ABCC5: variants seen among roughly 807,000 people sequenced by gnomAD.
ABCC5 encodes the protein ATP binding cassette subfamily C member 5.
In ABCC5, 61 loss-of-function variants were observed where a neutral mutation model predicts 160.9. That is an observed-to-expected ratio of 0.38 (90% confidence interval 0.31 to 0.47). The LOEUF (loss-of-function observed/expected upper bound fraction) is 0.47, where lower values mean the gene tolerates loss of function less well. Among genes scored for constraint, ABCC5 ranks in the 20% least tolerant of loss-of-function variants. The pLI is 0.99. For synonymous variants in ABCC5, 666 were observed against 700.6 expected (o/e 0.95, Z 0.78); for missense variants, 1,308 against 1,813.3 (o/e 0.72, Z 5.06).
In ABCC5 at chr3:183,989,483, C is replaced by G. The variant is rs1719543263; in HGVS notation, c.130-100G>C. ...AGCTCAAACTGCAAACTGGACTCATCTTAACTGAGAAATTCCAAGCAAGGG... is the reference window on the plus strand; with the variant it reads ...AGCTCAAACTGCAAACTGGACTCATGTTAACTGAGAAATTCCAAGCAAGGG... On this transcript the variant is annotated intron_variant, in intron 2 of 29. Transcript: ENST00000334444. 2.8e-5 allele frequency: 36 copies of G among 1,268,694 alleles called. No individual in the cohort carries two copies. The South Asian group carries it at 5.2e-4, about 18-fold the overall frequency. 78.6% of individuals were successfully genotyped at this position (1,268,694 alleles called of 1,614,324 possible).
rs1716746925 is a variant in ABCC5 at position 183,961,644 on chromosome 3, T to C, written c.2246A>G (p.Asp749Gly). ...FVTHQLQYLV[D>G]CDEVIFMKEG... ...TTTCATGAAGATCACTTCATCACAGTCAACCAGGTACTGAAGGCAAAGGCA... is the reference window on the plus strand; with the variant it reads ...TTTCATGAAGATCACTTCATCACAGCCAACCAGGTACTGAAGGCAAAGGCA... Residue 749 changes from aspartate to glycine, a missense_variant, in exon 16 of 30, where the codon GAC (aspartate) becomes GGC (glycine). Transcript: ENST00000334444. The C allele has an allele frequency of 6.2e-7, 1 of 1,614,054 alleles. No individual in the cohort carries two copies. The highest frequency in any genetic ancestry group is 2.2e-5 in the East Asian group (1 of 44,900).
At chr3:183,972,528 C>A (rs1717852679) in intron 10 of ABCC5, among the ~76,000 whole-genome samples, 1 of 152,162 alleles carries the variant, frequency 6.6e-6, no homozygotes, top group Non-Finnish European at 1.5e-5. Context: ...GTTCAAACAA[C>A]CAAAGGAACA....
At chr3:183,990,861 C>T (rs1384914989) in intron 2 of ABCC5, among the ~76,000 whole-genome samples, 1 of 152,214 alleles carries the variant, frequency 6.6e-6, no homozygotes, top group Non-Finnish European at 1.5e-5. Flanking sequence ...ACTTATCCCC[C>T]GTTTACTCTA....
At position 183,951,684 on chromosome 3, in the gene ABCC5, G is replaced by A. The variant is rs1715365280; in HGVS notation, c.2815-114C>T. ...AAAGCGGGGAGGTGTGAGGGGTCAGGAGGGACAGGTGGCAAGTGAGAAAAG... is the reference window on the plus strand; with the variant it reads ...AAAGCGGGGAGGTGTGAGGGGTCAGAAGGGACAGGTGGCAAGTGAGAAAAG... On this transcript the variant is annotated intron_variant, in intron 19 of 29. Coordinates refer to ENST00000334444, the MANE Select transcript of ABCC5 (RefSeq NM_005688.4). The surrounding 1 kb of genome is among the most constrained non-coding windows in gnomAD (Gnocchi z 4.7). The A allele has an allele frequency of 2.7e-6, 4 of 1,501,354 alleles. No individual in the cohort carries two copies. Among genetic ancestry groups the A allele is most frequent in the East Asian group, 2.3e-5 (1 of 44,002 alleles). The allele number at this position is 1,501,354 out of a possible 1,614,324, so 93.0% of individuals were successfully genotyped here. A position where few individuals can be genotyped will look rare whatever the true frequency, so the allele number is the denominator to read the frequency against.
At position 183,989,346 on chromosome 3, in the gene ABCC5, G is replaced by A. The variant is rs759630947; in HGVS notation, c.167C>T (p.Ala56Val). The A allele has an allele frequency of 9.3e-6, 15 of 1,613,840 alleles. No individual in the cohort carries two copies. The Admixed American group carries it at 2.0e-4, about 22-fold the overall frequency. The change falls in exon 3 of 30, where the codon GCC becomes GTC. Residue 56 changes from alanine to valine, a missense_variant. Physicochemically the swap from Ala to Val is moderately conservative, Grantham distance 64 (BLOSUM62 0). Coordinates refer to ENST00000334444, the MANE Select transcript of ABCC5 (RefSeq NM_005688.4). ...CQDALETAAR[A>V]EGLSLDASMH... ...GGAGGCATCAAGAGAGAGGCCCTCG[G>A]CTCGGGCTGCTGTTTCCAAGGCATC...
At chr3:183,924,010 CTTTTTTTT>C (rs200040197) in intron 29 of ABCC5, among the ~76,000 whole-genome samples, 1 of 112,800 alleles carries the variant, frequency 8.9e-6, no homozygotes, top group Non-Finnish European at 1.7e-5. Context: ...TTACTGTTTG[CTTTTTTTT>C]TTTTTTTTTT....
Position 183,988,017 on chromosome 3 carries a change from C to T in ABCC5, c.444-100G>A, listed in dbSNP as rs1719384247. ...TTTTTGTCTCCAGGTTTTGCCACCA[C>T]TCACACAAGTCTCTCCTTTAAAATT... is the stretch of plus-strand genomic sequence containing the variant. On this transcript the variant is annotated intron_variant, in intron 4 of 29. Coordinates refer to ENST00000334444, the MANE Select transcript of ABCC5 (RefSeq NM_005688.4). This position sits in a 1 kb window ranked among gnomAD's most constrained non-coding sequence, Gnocchi z 4.4. The T allele has an allele frequency of 1.1e-5, 14 of 1,314,680 alleles. No individual in the cohort carries two copies. The highest frequency in any genetic ancestry group is 3.6e-5 in the Admixed American group (2 of 54,988). 81.4% of individuals were successfully genotyped at this position (1,314,680 alleles called of 1,614,324 possible).
At chr3:183,996,978 A>T (rs1030783734) in intron 2 of ABCC5, among the ~76,000 whole-genome samples, 5 of 152,170 alleles carry the variant, frequency 3.3e-5, no homozygotes, top group Admixed American at 2.0e-4. Flanking sequence ...ATGATACAGG[A>T]TCTTCTCCTT....
intron 5 of ABCC5, among the ~76,000 whole-genome samples, 180 bp from the exon 6 acceptor site, chr3:183,983,187 T>C (rs1321126385): frequency 6.6e-6 from 1 of 152,264 alleles, no homozygotes; most frequent in Non-Finnish European, 1.5e-5. Flanking sequence ...CAGGGCATTC[T>C]GCAGGAGCTA....
At chr3:183,922,381 T>A (rs905912375) in intron 29 of ABCC5, among the ~76,000 whole-genome samples, 4 of 151,904 alleles carry the variant, frequency 2.6e-5, no homozygotes, top group Admixed American at 1.3e-4. Context: ...CTCAAAAAAA[T>A]AAATAAATAA....
intron 11 of ABCC5, among the ~76,000 whole-genome samples, chr3:183,968,798 G>A (rs573957488): frequency 4.6e-5 from 7 of 152,178 alleles, no homozygotes; most frequent in Non-Finnish European, 7.3e-5. Context: ...AGGCAGATGG[G>A]TCTTTATCTA....
intron 2 of ABCC5, among the ~76,000 whole-genome samples, chr3:184,002,788 A>T (rs4148571): frequency 1.3e-5 from 2 of 152,038 alleles, no homozygotes; most frequent in East Asian, 1.9e-4. Flanking sequence ...CCCTTCCTGG[A>T]GGCCGGACAA....
At chr3:183,995,528 A>T (rs1219717963) in intron 2 of ABCC5, among the ~76,000 whole-genome samples, 2 of 152,184 alleles carry the variant, frequency 1.3e-5, no homozygotes, top group African/African-American at 4.8e-5. Flanking sequence ...TTCCAGTACC[A>T]TGTGTTGAAA....
chr3:183,965,720 T>A (rs1717158727), intron 12 of ABCC5, among the ~76,000 whole-genome samples: 1 of 152,164 alleles, frequency 6.6e-6, no homozygotes, highest in South Asian at 2.1e-4. Flanking sequence ...GCATAACCCA[T>A]AACTTGAAGG....
intron 2 of ABCC5, chr3:184,010,057 A>C (rs996633041): frequency 8.4e-6 from 3 of 358,248 alleles, no homozygotes; most frequent in Non-Finnish European, 1.1e-5. Context: ...CTGTAATCCC[A>C]GTACTTTGGG....
intron 25 of ABCC5, 126 bp downstream of exon 25, chr3:183,942,601 T>C: frequency 7.9e-7 from 1 of 1,259,666 alleles, no homozygotes; most frequent in Non-Finnish European, 1.1e-6. Context: ...GAAAATTGGT[T>C]TCAGTAGGGG....
chr3:183,937,356 G>A (rs1713835587), intron 26 of ABCC5, among the ~76,000 whole-genome samples: 1 of 152,178 alleles, frequency 6.6e-6, no homozygotes, highest in Non-Finnish European at 1.5e-5. Context: ...CAGCCTGGGT[G>A]ACAGAGTGAG....
intron 15 of ABCC5, among the ~76,000 whole-genome samples, chr3:183,962,770 C>T (rs1379270199): frequency 6.6e-6 from 1 of 152,036 alleles, no homozygotes; most frequent in Non-Finnish European, 1.5e-5. Context: ...GATCCGCCAG[C>T]CTCAGCCTCC....
At position 183,967,811 on chromosome 3, in the gene ABCC5, C is replaced by T. The variant is rs758114896; in HGVS notation, c.1762-45G>A. The T allele has an allele frequency of 2.8e-6, 4 of 1,450,222 alleles. No homozygotes were observed. The East Asian group carries it at 9.1e-5, about 33-fold the overall frequency. 89.8% of individuals were successfully genotyped at this position (1,450,222 alleles called of 1,614,324 possible). On this transcript the variant is annotated intron_variant, in intron 11 of 29. Coordinates refer to ENST00000334444, the MANE Select transcript of ABCC5 (RefSeq NM_005688.4). ...AGGAGGGTCATTTAGAGACTACTAA[C>T]CACTCATCGCTAAGGACTTGAGGAA...
Sources: gnomAD v4.1 joint callset for allele counts (sites outside exome capture counted in the v4.1 genomes callset) on GRCh38, gnomAD v4.1.1 for gene constraint, Gnocchi (gnomAD v3.1) non-coding constraint, MANE v1.5 for transcripts, NCBI Gene and HGNC (gene_info 2026-07-23, HGNC 2026-07-21) for gene names.